The following RFX6 variants were observed in gnomAD, a reference collection of about 807,000 sequenced individuals.
RFX6 encodes the protein DNA-binding protein RFX6.
In RFX6, 50 loss-of-function variants were observed where a neutral mutation model predicts 110.8. The ratio of observed to expected loss-of-function variants is 0.45; its 90% CI spans 0.36 to 0.57. The LOEUF (loss-of-function observed/expected upper bound fraction) is 0.57. Among genes scored for constraint, RFX6 ranks in the 20% least tolerant of loss-of-function variants. The pLI, the probability that RFX6 is intolerant of heterozygous loss-of-function variation, is 0.00. For missense variants in RFX6, 990 were observed against 1,127.0 expected, an observed-to-expected ratio of 0.88 and a Z score of 1.74; for synonymous variants, 383 against 411.2, an observed-to-expected ratio of 0.93 and a Z score of 0.83.
At chr6:116,902,013 C>T (rs1397996231) in intron 6 of RFX6, among the ~76,000 whole-genome samples, 6 of 151,596 alleles carry the variant, frequency 4.0e-5, no homozygotes, top group East Asian at 1.9e-4. Context: ...TGGGTATGAG[C>T]GAATGAATGA....
chr6:116,906,688 C>T (rs1278112335), intron 6 of RFX6, among the ~76,000 whole-genome samples: 1 of 151,790 alleles, frequency 6.6e-6, no homozygotes, highest in African/African-American at 2.4e-5. Context: ...ATAAATGCAA[C>T]TAGTTTTTGC....
At chr6:116,913,548 T>C (rs9489065) in intron 7 of RFX6, among the ~76,000 whole-genome samples, 44,866 of 152,090 alleles carry the variant, frequency 0.29, 6,801 homozygotes, top group South Asian at 0.4. Flanking sequence ...TCTAGTACAA[T>C]GTCTATTCTC....
chr6:116,905,772 A>G (rs1408036218), intron 6 of RFX6, among the ~76,000 whole-genome samples: 1 of 151,808 alleles, frequency 6.6e-6, no homozygotes, highest in Non-Finnish European at 1.5e-5. Flanking sequence ...GGATGTTCTC[A>G]ATCTCTTGAC....
intron 4 of RFX6, among the ~76,000 whole-genome samples, chr6:116,890,570 T>C (rs1272950665): frequency 6.6e-6 from 1 of 152,154 alleles, no homozygotes; most frequent in Non-Finnish European, 1.5e-5. Flanking sequence ...TCCTGGCATG[T>C]ATATAAGATT....
In RFX6 at chr6:116,928,960, C is replaced by T; in HGVS notation, c.2600C>T (p.Thr867Ile). The change falls in exon 18 of 19, where the codon ACT (threonine) becomes ATT (isoleucine). Residue 867 changes from threonine to isoleucine, a missense_variant. Thr to Ile is a moderately conservative substitution (Grantham distance 89, BLOSUM62 -1). Coordinates refer to ENST00000332958, the MANE Select transcript of RFX6 (RefSeq NM_173560.4). Reference protein sequence around the residue: ...TDTSSPVACRTPVLASSLQTP... With the variant: ...TDTSSPVACRIPVLASSLQTP... ...ACATCATCTCCAGTTGCATGTCGAA[C>T]TCCAGTCCTAGGTAAATTATTTTAG... 3 of 1,602,942 alleles carry T rather than the reference C, an allele frequency of 1.9e-6. No individual in the cohort carries two copies. Among genetic ancestry groups the T allele is most frequent in the Non-Finnish European group, 2.6e-6 (3 of 1,169,774 alleles).
chr6:116,884,610 T>G (rs962127634), intron 4 of RFX6, among the ~76,000 whole-genome samples: 1 of 152,010 alleles, frequency 6.6e-6, no homozygotes, highest in African/African-American at 2.4e-5. Flanking sequence ...AGTAAATAGA[T>G]AGGGGGAAAA....
chr6:116,879,615 A>G (rs1020392173), intron 2 of RFX6, among the ~76,000 whole-genome samples: 2 of 151,946 alleles, frequency 1.3e-5, no homozygotes, highest in Non-Finnish European at 2.9e-5. Context: ...TCCAATTTTA[A>G]TCTGCAGACT....
intron 17 of RFX6, 95 bp from the exon 18 acceptor site, chr6:116,928,664 C>A (rs1775807740): frequency 6.1e-6 from 5 of 819,354 alleles, no homozygotes; most frequent in Non-Finnish European, 1.1e-5. Context: ...AGTTTGATAT[C>A]TTTAGGACGT....
chr6:116,902,396 A>C (rs572704028), intron 6 of RFX6, among the ~76,000 whole-genome samples: 10 of 152,024 alleles, frequency 6.6e-5, no homozygotes, highest in Non-Finnish European at 1.5e-4. Flanking sequence ...AAACAAAATA[A>C]AAAACAGGAA....
Position 116,928,659 on chromosome 6 carries a change from G to C in RFX6, c.2399-100G>C. On this transcript the variant is annotated intron_variant, in intron 17 of 18. Coordinates refer to ENST00000332958, the MANE Select transcript of RFX6 (RefSeq NM_173560.4). ...GATACACATGTAATACTTACAGTTTGATATCTTTAGGACGTCACCTCATTA... is the reference window on the plus strand; with the variant it reads ...GATACACATGTAATACTTACAGTTTCATATCTTTAGGACGTCACCTCATTA... 3.8e-6 allele frequency: 3 copies of C among 793,870 alleles called. No homozygotes were observed. In the South Asian group the frequency reaches 4.1e-5, roughly 11 times the overall value. The allele number at this position is 793,870 out of a possible 1,614,324, so 49.2% of individuals were successfully genotyped here. A position where few individuals can be genotyped will look rare whatever the true frequency, so the allele number is the denominator to read the frequency against.
intron 6 of RFX6, among the ~76,000 whole-genome samples, chr6:116,906,128 G>C (rs1039644409): frequency 2.7e-4 from 41 of 152,204 alleles, no homozygotes; most frequent in African/African-American, 9.9e-4. Flanking sequence ...CCATAGAATT[G>C]TCCTTTCCCC....
At chr6:116,924,464 A>C (rs1775665883) in intron 14 of RFX6, among the ~76,000 whole-genome samples, 1 of 152,322 alleles carries the variant, frequency 6.6e-6, no homozygotes, top group Admixed American at 6.5e-5. Context: ...CAGGCAATAC[A>C]CAGAAAGATT....
At chr6:116,881,241 T>G (rs967046909) in intron 3 of RFX6, among the ~76,000 whole-genome samples, 2 of 152,038 alleles carry the variant, frequency 1.3e-5, no homozygotes, top group Non-Finnish European at 2.9e-5. Flanking sequence ...TGCTTATATA[T>G]AGAGAGAGAG....
chr6:116,877,604 A>C, intron 1 of RFX6, 106 bp downstream of exon 1: 1 of 1,086,762 alleles, frequency 9.2e-7, no homozygotes, highest in Non-Finnish European at 1.3e-6. Flanking sequence ...GCAGATATAG[A>C]ATGTTCTGTC....
At chr6:116,908,643 G>A (rs12201912) in intron 6 of RFX6, among the ~76,000 whole-genome samples, 53,130 of 150,344 alleles carry the variant, frequency 0.35, 9,658 homozygotes, top group African/African-American at 0.44. Context: ...TTTGTATAAT[G>A]ATTAAGTTTT....
chr6:116,891,718 T>C (rs1368262749), intron 4 of RFX6, among the ~76,000 whole-genome samples: 1 of 152,244 alleles, frequency 6.6e-6, no homozygotes, highest in Non-Finnish European at 1.5e-5. Flanking sequence ...CATCTAAATC[T>C]GCTAATGTTT....
rs1018861538 is a variant in RFX6, at chr6:116,931,690, C to T, written c.*184C>T. The T allele has an allele frequency of 8.6e-6, 5 of 580,226 alleles. No homozygotes were observed. Among genetic ancestry groups the T allele is most frequent in the Non-Finnish European group, 1.5e-5 (5 of 327,142 alleles). The allele number at this position is 580,226 out of a possible 1,614,324, so 35.9% of individuals were successfully genotyped here. A position where few individuals can be genotyped will look rare whatever the true frequency, so the allele number is the denominator to read the frequency against. ...GGAGATACTTGCAGAGCTTGTCATG[C>T]ACACTAAGAGTTTAAAATGTGAGCT... On this transcript the variant is annotated 3_prime_UTR_variant, in exon 19 of 19. Coordinates refer to ENST00000332958, the MANE Select transcript of RFX6 (RefSeq NM_173560.4).
At position 116,919,170 on chromosome 6, in the gene RFX6, T is replaced by C. The variant is rs1241763341; in HGVS notation, c.1056T>C (p.Asn352=). 3.1e-6 allele frequency: 5 copies of C among 1,613,620 alleles called. No homozygotes were observed. The highest frequency in any genetic ancestry group is 4.2e-6 in the Non-Finnish European group (5 of 1,179,662). The change falls in exon 11 of 19, where the codon AAT becomes AAC. Residue 352 remains asparagine, a synonymous_variant. Coordinates refer to ENST00000332958, the MANE Select transcript of RFX6 (RefSeq NM_173560.4). ...LLADIRNFAK[N]WEQWVVSSLE... The stretch of plus-strand genomic sequence containing the variant: ...CAGACATAAGAAATTTTGCTAAAAA[T>C]TGGGAACAGTGGGTTGTTTCATCCT...
Position 116,928,983 on chromosome 6 carries a change from TAGC to T in RFX6, c.2611+15_2611+17del. 1 of 1,548,444 alleles carries T rather than the reference TAGC, an allele frequency of 6.5e-7. No homozygotes were observed. The highest frequency in any genetic ancestry group is 8.9e-7 in the Non-Finnish European group (1 of 1,120,238). ...AACTCCAGTCCTAGGTAAATTATTT[TAGC>T]AGTTCTTGAAAACATTTTAAGAAGT... On this transcript the variant is annotated intron_variant, in intron 18 of 18. Coordinates refer to ENST00000332958, the MANE Select transcript of RFX6 (RefSeq NM_173560.4).
Sources: gnomAD v4.1 joint callset for allele counts (sites outside exome capture counted in the v4.1 genomes callset) on GRCh38, gnomAD v4.1.1 for gene constraint, MANE v1.5 for transcripts, NCBI Gene and HGNC (gene_info 2026-07-23, HGNC 2026-07-21) for gene names.